The following AAMDC variants were observed in gnomAD, a reference collection of about 807,000 sequenced individuals.
AAMDC encodes mth938 domain-containing protein.
In AAMDC, 16 loss-of-function variants were observed where a neutral mutation model predicts 15.5. The ratio of observed to expected loss-of-function variants is 1.03; its 90% CI spans 0.70 to 1.57. The LOEUF (loss-of-function observed/expected upper bound fraction) is 1.57, where lower values mean the gene tolerates loss of function less well. Ranked by LOEUF, AAMDC falls within the 40% of genes most tolerant of loss-of-function variation. The pLI is 0.00. For synonymous variants in AAMDC, 51 were observed against 51.6 expected (o/e 0.99, Z 0.05); for missense variants, 141 against 144.9 (o/e 0.97, Z 0.14).
intron 2 of AAMDC, among the ~76,000 whole-genome samples, chr11:77,853,541 C>T (rs1432874916): frequency 1.3e-5 from 2 of 152,142 alleles, no homozygotes; most frequent in Non-Finnish European, 2.9e-5. Flanking sequence ...GGCCCCTTCT[C>T]CAACACTGGG....
At chr11:77,846,684 T>TA (rs746585398) in intron 2 of AAMDC, among the ~76,000 whole-genome samples, 100 of 152,280 alleles carry the variant, frequency 6.6e-4, no homozygotes, top group Middle Eastern at 6.8e-3. Flanking sequence ...CCATCCTGGG[T>TA]AACAAGAGTG....
intron 5 of AAMDC, among the ~76,000 whole-genome samples, chr11:77,881,082 C>T (rs554220496): frequency 6.6e-6 from 1 of 152,076 alleles, no homozygotes; most frequent in East Asian, 1.9e-4. Flanking sequence ...AGGAGTAAAG[C>T]GGAGAAGAGA....
At chr11:77,854,817 C>A (rs1950545738) in intron 2 of AAMDC, among the ~76,000 whole-genome samples, 2 of 152,190 alleles carry the variant, frequency 1.3e-5, no homozygotes, top group Admixed American at 1.3e-4. Context: ...GTAGGGGCTC[C>A]AACCCCACAT....
intron 5 of AAMDC, among the ~76,000 whole-genome samples, chr11:77,882,795 G>A (rs938281856): frequency 4.6e-5 from 7 of 152,190 alleles, no homozygotes; most frequent in African/African-American, 1.7e-4. Flanking sequence ...TAAAGGCCCA[G>A]CGCAGTGGCT....
In AAMDC at chr11:77,872,308, C is replaced by T; in HGVS notation, c.362C>T (p.Thr121Ile). The change falls in exon 4 of 4, where the codon ACC becomes ATC. Residue 121 changes from threonine (T) to isoleucine (I), a missense_variant. Transcript: ENST00000393427. ...GVRVGGVFHS[T>I]C is the part of the protein sequence containing the mutation. ...AGGGTGGGAGGTGTCTTCCATTCCACCTGCTGATGGAGCCTTAAGAGGAGA... is the reference window on the plus strand; with the variant it reads ...AGGGTGGGAGGTGTCTTCCATTCCATCTGCTGATGGAGCCTTAAGAGGAGA... 1.2e-6 allele frequency: 2 copies of T among 1,612,000 alleles called. No homozygotes were observed. The highest frequency in any genetic ancestry group is 1.7e-6 in the Non-Finnish European group (2 of 1,179,182).
At chr11:77,861,072 ATCCTT>A (rs1266042193) in intron 2 of AAMDC, among the ~76,000 whole-genome samples, 1 of 152,082 alleles carries the variant, frequency 6.6e-6, no homozygotes, top group African/African-American at 2.4e-5. Context: ...AGGAGGCAGA[ATCCTT>A]TAATTTAATT....
intron 5 of AAMDC, among the ~76,000 whole-genome samples, chr11:77,884,316 A>G (rs949439851): frequency 3.3e-5 from 5 of 152,160 alleles, no homozygotes; most frequent in African/African-American, 9.7e-5. Flanking sequence ...TCCATCACCA[A>G]CCACCAGTAT....
chr11:77,868,984 C>T (rs939462511), intron 2 of AAMDC: 6 of 299,344 alleles, frequency 2.0e-5, no homozygotes, highest in Middle Eastern at 9.2e-4. Context: ...GCCAACAGCA[C>T]GTTGGGTAAT....
chr11:77,888,212 T>G (rs147192295), intron 5 of AAMDC, among the ~76,000 whole-genome samples: 3,394 of 152,186 alleles, frequency 0.022, 94 homozygotes, highest in African/African-American at 0.069. Context: ...CATGGTACTG[T>G]TACCAAAACA....
intron 5 of AAMDC, among the ~76,000 whole-genome samples, chr11:77,887,696 C>T (rs1432251944): frequency 6.6e-6 from 1 of 152,142 alleles, no homozygotes; most frequent in Non-Finnish European, 1.5e-5. Context: ...CCAAAATCTC[C>T]TTAAGCTGAT....
intron 5 of AAMDC, among the ~76,000 whole-genome samples, chr11:77,892,594 T>G (rs1952321582): frequency 6.6e-6 from 1 of 152,200 alleles, no homozygotes; most frequent in Non-Finnish European, 1.5e-5. Flanking sequence ...TTTTTAATTT[T>G]CTTTTTGAGA....
At chr11:77,891,388 C>T in intron 5 of AAMDC, 3 of 1,612,564 alleles carry the variant, frequency 1.9e-6, no homozygotes, top group Non-Finnish European at 2.5e-6. Flanking sequence ...GGGCAACCAC[C>T]AACCCAGAGG....
chr11:77,884,786 A>C, intron 5 of AAMDC: 1 of 402,858 alleles, frequency 2.5e-6, no homozygotes, highest in East Asian at 7.7e-5. Flanking sequence ...ACAGGGTCTT[A>C]CTCTGCCACC....
intron 1 of AAMDC, among the ~76,000 whole-genome samples, chr11:77,836,204 A>G (rs1358428363): frequency 1.3e-5 from 2 of 152,116 alleles, no homozygotes; most frequent in Non-Finnish European, 2.9e-5. Flanking sequence ...TTAATTTCTT[A>G]CTTAGAAATT....
intron 3 of AAMDC, among the ~76,000 whole-genome samples, chr11:77,871,507 CTT>C (rs1223614360): frequency 6.6e-6 from 1 of 152,150 alleles, no homozygotes; most frequent in Non-Finnish European, 1.5e-5. Context: ...AAAATGGTGA[CTT>C]ATGCTGGGCT....
Position 77,848,148 on chromosome 11 carries a change from G to A in AAMDC, c.132+5520G>A, listed in dbSNP as rs186187923. ...AATTTGGGCAGTCTGTAGTCCAGTTGAGCTGGCACATAAAATTAACCATCA... is the reference window on the plus strand; with the variant it reads ...AATTTGGGCAGTCTGTAGTCCAGTTAAGCTGGCACATAAAATTAACCATCA... On this transcript the variant is annotated intron_variant, in intron 2 of 3. Coordinates refer to ENST00000393427, the MANE Select transcript of AAMDC (RefSeq NM_024684.4). 3.3e-5 allele frequency among the ~76,000 whole-genome samples: 5 copies of A among 152,260 alleles called. No individual in the cohort carries two copies. The East Asian group carries it at 9.6e-4, about 29-fold the overall frequency.
At chr11:77,886,789 G>A (rs1952032254) in intron 5 of AAMDC, among the ~76,000 whole-genome samples, 1 of 152,128 alleles carries the variant, frequency 6.6e-6, no homozygotes, top group African/African-American at 2.4e-5. Flanking sequence ...GCCTTGCTAA[G>A]AAACTCACTC....
At chr11:77,881,958 C>G (rs1035277697) in intron 5 of AAMDC, among the ~76,000 whole-genome samples, 3 of 151,094 alleles carry the variant, frequency 2.0e-5, no homozygotes, top group African/African-American at 7.3e-5. Flanking sequence ...GTTACCCAGG[C>G]TGGAGTGTAG....
downstream of AAMDC, among the ~76,000 whole-genome samples, chr11:77,874,730 G>A (rs188949822): frequency 4.2e-4 from 64 of 152,206 alleles, no homozygotes; most frequent in Non-Finnish European, 7.8e-4. Flanking sequence ...ATTTCTTCTA[G>A]CCTGAGTGGT....
Sources: gnomAD v4.1 joint callset for allele counts (sites outside exome capture counted in the v4.1 genomes callset) on GRCh38, gnomAD v4.1.1 for gene constraint, MANE v1.5 for transcripts, NCBI Gene and HGNC (gene_info 2026-07-23, HGNC 2026-07-21) for gene names.